SPEF1: variants seen among roughly 807,000 people sequenced by gnomAD.
SPEF1 encodes the protein sperm flagella and cilia-associated protein 1.
Under a neutral mutation model 31.8 loss-of-function variants are expected in SPEF1, and 30 were observed. The ratio of observed to expected loss-of-function variants is 0.94; its 90% CI spans 0.70 to 1.28. The LOEUF (loss-of-function observed/expected upper bound fraction) is 1.28. Ranked by LOEUF, SPEF1 falls within the 50% of genes most tolerant of loss-of-function variation. The pLI, the probability that SPEF1 is intolerant of heterozygous loss-of-function variation, is 0.00. For missense variants in SPEF1, 298 were observed against 309.6 expected (o/e 0.96, Z 0.28); for synonymous variants, 126 against 130.1 (o/e 0.97, Z 0.21).
chr20:3,779,839 A>C (rs1600362372), intron 1 of SPEF1, 64 bp from the exon 2 acceptor site: 46 of 287,756 alleles, frequency 1.6e-4, no homozygotes, highest in East Asian at 6.6e-4. Flanking sequence ...AGGTGAGAGA[A>C]GGTGGGGGTG....
rs1262330884 is a variant in SPEF1 at position 3,781,336 on chromosome 20, G to C, written c.-49C>G. ...CCCAGCGGTGCCGGGTCCCGCCCCA[G>C]CCTCACGACCCTTCAGGCGCTTCCT... is the stretch of plus-strand genomic sequence containing the variant. On this transcript the variant is annotated 5_prime_UTR_variant, in exon 1 of 7. Coordinates refer to ENST00000379756, the MANE Select transcript of SPEF1 (RefSeq NM_015417.5). 11 of 1,588,778 alleles carry C rather than the reference G, an allele frequency of 6.9e-6. No homozygotes were observed. Among genetic ancestry groups the C allele is most frequent in the Non-Finnish European group, 9.4e-6 (11 of 1,168,790 alleles).
rs58819644 is a variant in SPEF1 at position 3,780,334 on chromosome 20, C to CAAAA, written c.110-563_110-560dup. 4.2e-3 allele frequency among the ~76,000 whole-genome samples: 244 copies of CAAAA among 58,320 alleles called. 7 individuals carry two copies. Among genetic ancestry groups the CAAAA allele is most frequent in the African/African-American group, 0.018 (232 of 13,088 alleles). 38.3% of individuals were successfully genotyped at this position (58,320 alleles called of 152,430 possible). On this transcript the variant is annotated intron_variant, in intron 1 of 6. Transcript: ENST00000379756. ...GGGCGACAAGAGTGAGACTCTGTCT[C>CAAAA]AAAAAAAAAAAAAAAAAAAAAAGAG...
rs1378455126 is a variant in SPEF1, at chr20:3,777,828, G to C, written c.*384C>G. Reference sequence around the variant, plus strand: ...GGAGCTGGGCGGGGACCTGATTCTGGGGGTGTGGACAGAGCCAAGGGACCG... The same window carrying C: ...GGAGCTGGGCGGGGACCTGATTCTGCGGGTGTGGACAGAGCCAAGGGACCG... On this transcript the variant is annotated 3_prime_UTR_variant, in exon 7 of 7. Coordinates refer to ENST00000379756, the MANE Select transcript of SPEF1 (RefSeq NM_015417.5). The surrounding 1 kb of genome is among the most constrained non-coding windows in gnomAD (Gnocchi z 4.1). 5.7e-6 allele frequency: 1 copy of C among 173,944 alleles called. No homozygotes were observed. Among genetic ancestry groups the C allele is most frequent in the Non-Finnish European group, 1.2e-5 (1 of 82,572 alleles). 10.8% of individuals were successfully genotyped at this position (173,944 alleles called of 1,614,324 possible). A position where few individuals can be genotyped will look rare whatever the true frequency, so the allele number is the denominator to read the frequency against.
Position 3,777,991 on chromosome 20 carries a change from T to G in SPEF1, c.*221A>C. 1 of 511,690 alleles carries G rather than the reference T, an allele frequency of 2.0e-6. No homozygotes were observed. Among genetic ancestry groups the G allele is most frequent in the East Asian group, 3.2e-5 (1 of 30,850 alleles). The allele number at this position is 511,690 out of a possible 1,614,324, so 31.7% of individuals were successfully genotyped here. A position where few individuals can be genotyped will look rare whatever the true frequency, so the allele number is the denominator to read the frequency against. Reference sequence around the variant, plus strand: ...ATTCTCCTGACCCGGATCTCCGGAGTGGTAGGAGGCGGCTCAGTCCCGGGC... The same window carrying G: ...ATTCTCCTGACCCGGATCTCCGGAGGGGTAGGAGGCGGCTCAGTCCCGGGC... On this transcript the variant is annotated 3_prime_UTR_variant, in exon 7 of 7. Transcript: ENST00000379756. This position sits in a 1 kb window ranked among gnomAD's most constrained non-coding sequence, Gnocchi z 4.1.
chr20:3,778,368 C>T (rs1600361035), intron 6 of SPEF1, 49 bp from the exon 7 acceptor site: 4 of 1,613,338 alleles, frequency 2.5e-6, no homozygotes, highest in Admixed American at 1.7e-5. Flanking sequence ...CTCCCTCCTG[C>T]CCGGCCTCTG....
In SPEF1 at chr20:3,780,416, GCACACACA is replaced by G. The variant is rs55996387; in HGVS notation, c.110-649_110-642del. Among the ~76,000 whole-genome samples, 445 of 137,898 alleles carry G rather than the reference GCACACACA, an allele frequency of 3.2e-3. 3 individuals are homozygous for G. Among genetic ancestry groups the G allele is most frequent in the African/African-American group, 9.2e-3 (333 of 36,334 alleles). The allele number at this position is 137,898 out of a possible 152,430, so 90.5% of individuals were successfully genotyped here. The stretch of plus-strand genomic sequence containing the variant: ...CAGGGAATTCACATGGATGCATGAT[GCACACACA>G]CACACACACACACACACACACACAC... On this transcript the variant is annotated intron_variant, in intron 1 of 6. Transcript: ENST00000379756.
chr20:3,781,246 G>A lies in SPEF1; in HGVS notation c.42C>T (p.Tyr14=), dbSNP rs911202960. ...ACAGAGGGATGTTGTCTACCCACAG[G>A]TACAGCTGGTGCAGCGCCTCCTCGT... ...SVDEEALHQL[Y]LWVDNIPLSR... Residue 14 remains tyrosine, a synonymous_variant, in exon 1 of 7, where the codon TAC becomes TAT. Transcript: ENST00000379756. 1 of 1,614,080 alleles carries A rather than the reference G, an allele frequency of 6.2e-7. No individual in the cohort carries two copies. Among genetic ancestry groups the A allele is most frequent in the Non-Finnish European group, 8.5e-7 (1 of 1,180,044 alleles).
At chr20:3,780,429 C>T (rs1271164210) in intron 1 of SPEF1, among the ~76,000 whole-genome samples, 2 of 146,436 alleles carry the variant, frequency 1.4e-5, no homozygotes, top group African/African-American at 4.9e-5. Context: ...CACACACACA[C>T]ACACACACAC....
intron 5 of SPEF1, 24 bp downstream of exon 5, chr20:3,778,722 G>A (rs756352077): frequency 6.2e-7 from 1 of 1,611,404 alleles, no homozygotes; most frequent in African/African-American, 1.3e-5. Flanking sequence ...GCCTGGTGAA[G>A]TCTGGAACTC....
At chr20:3,780,501 CAT>C (rs2088773663) in intron 1 of SPEF1, among the ~76,000 whole-genome samples, 1 of 151,794 alleles carries the variant, frequency 6.6e-6, no homozygotes, top group Non-Finnish European at 1.5e-5. Context: ...AGCAGAGACA[CAT>C]GTGATAAGAT....
chr20:3,780,251 T>G lies in SPEF1; in HGVS notation c.110-476A>C, dbSNP rs188566914. Among the ~76,000 whole-genome samples the G allele has an allele frequency of 5.3e-3, 789 of 149,560 alleles. 8 individuals carry two copies. Among genetic ancestry groups the G allele is most frequent in the African/African-American group, 0.016 (654 of 40,400 alleles). On this transcript the variant is annotated intron_variant, in intron 1 of 6. Transcript: ENST00000379756. ...TGGGTGGCTGAGGCAGAAGAATCGCTTGAACTCAGGAGGTGGAGGTTGCAG... is the reference window on the plus strand; with the variant it reads ...TGGGTGGCTGAGGCAGAAGAATCGCGTGAACTCAGGAGGTGGAGGTTGCAG...
At chr20:3,780,334 CAAAAA>C (rs58819644) in intron 1 of SPEF1, among the ~76,000 whole-genome samples, 2 of 58,274 alleles carry the variant, frequency 3.4e-5, no homozygotes, top group Admixed American at 2.5e-4. Context: ...GACTCTGTCT[CAAAAA>C]AAAAAAAAAA....
chr20:3,781,437 ATATTGT>A lies in SPEF1; in HGVS notation c.-156_-151del. ...ACTCACGTCCCAGCTGGGAGCGGCC[ATATTGT>A]TTTCTGAAACCATGGAAACCATTCC... is the stretch of plus-strand genomic sequence containing the variant. On this transcript the variant is annotated 5_prime_UTR_variant, in exon 1 of 7. It adds an upstream start codon to the 5' untranslated region. Transcript: ENST00000379756. The A allele has an allele frequency of 3.9e-6, 5 of 1,271,576 alleles. No homozygotes were observed. The South Asian group carries it at 7.7e-5, about 20-fold the overall frequency. 78.8% of individuals were successfully genotyped at this position (1,271,576 alleles called of 1,614,324 possible).
chr20:3,780,428 A>G (rs959120433), intron 1 of SPEF1, among the ~76,000 whole-genome samples: 2 of 147,074 alleles, frequency 1.4e-5, no homozygotes, highest in African/African-American at 4.9e-5. Context: ...ACACACACAC[A>G]CACACACACA....
Position 3,779,785 on chromosome 20 carries a change from A to G in SPEF1, c.110-10T>C. 1 of 1,269,870 alleles carries G rather than the reference A, an allele frequency of 7.9e-7. No individual in the cohort carries two copies. The highest frequency in any genetic ancestry group is 1.1e-6 in the Non-Finnish European group (1 of 933,402). 78.7% of individuals were successfully genotyped at this position (1,269,870 alleles called of 1,614,324 possible). On this transcript the variant is annotated splice_polypyrimidine_tract_variant and intron_variant, in intron 1 of 6. Transcript: ENST00000379756. ...ACCTCTGCAACAAGGACTGAGGGAGAGGGGAGCAGACATGGAAAGTGGGGG... is the reference window on the plus strand; with the variant it reads ...ACCTCTGCAACAAGGACTGAGGGAGGGGGGAGCAGACATGGAAAGTGGGGG...
At chr20:3,779,130 T>C in intron 3 of SPEF1, 66 bp downstream of exon 3, 4 of 1,545,242 alleles carry the variant, frequency 2.6e-6, no homozygotes, top group Non-Finnish European at 3.5e-6. Flanking sequence ...CTGGCCTTTC[T>C]GTGGTCTGGG....
Position 3,778,181 on chromosome 20 carries a change from C to T in SPEF1, c.*31G>A, listed in dbSNP as rs908356849. The stretch of plus-strand genomic sequence containing the variant: ...GCGGCGTCGGGGCTCTGGCGGGTAC[C>T]CGGGCGTCCCCGCGCGGCCCGGGCC... On this transcript the variant is annotated 3_prime_UTR_variant, in exon 7 of 7. Transcript: ENST00000379756. The T allele has an allele frequency of 6.8e-7, 1 of 1,468,136 alleles. No individual in the cohort carries two copies. Among genetic ancestry groups the T allele is most frequent in the African/African-American group, 1.4e-5 (1 of 70,400 alleles). 90.9% of individuals were successfully genotyped at this position (1,468,136 alleles called of 1,614,324 possible).
At chr20:3,780,544 G>T (rs1050196888) in intron 1 of SPEF1, among the ~76,000 whole-genome samples, 1 of 152,006 alleles carries the variant, frequency 6.6e-6, no homozygotes, top group African/African-American at 2.4e-5. Context: ...AGGGCAGAAT[G>T]TGTAGACACA....
rs912194103 is a variant in SPEF1, at chr20:3,777,765, C to G, written c.*447G>C. 6.5e-6 allele frequency: 1 copy of G among 154,560 alleles called. No homozygotes were observed. Among genetic ancestry groups the G allele is most frequent in the Non-Finnish European group, 1.4e-5 (1 of 69,576 alleles). 9.6% of individuals were successfully genotyped at this position (154,560 alleles called of 1,614,324 possible). On this transcript the variant is annotated 3_prime_UTR_variant, in exon 7 of 7. Coordinates refer to ENST00000379756, the MANE Select transcript of SPEF1 (RefSeq NM_015417.5). This position sits in a 1 kb window ranked among gnomAD's most constrained non-coding sequence, Gnocchi z 4.1. ...GGACAGATTCCCCCATGGCTGAGGG[C>G]ATGGGGAACTAGCCTGGATGGAGAC...
Sources: allele counts gnomAD v4.1 joint callset (sites outside exome capture counted in the v4.1 genomes callset), GRCh38; gene constraint gnomAD v4.1.1; non-coding constraint Gnocchi (gnomAD v3.1); transcripts MANE v1.5; gene names NCBI Gene and HGNC (gene_info 2026-07-23, HGNC 2026-07-21).